Variants in MYLK observed in about 807,000 individuals in gnomAD.
The protein encoded by MYLK is myosin light chain kinase.
MYLK carries 106 observed loss-of-function variants against 203.4 expected under a neutral mutation model. The ratio of observed to expected loss-of-function variants is 0.52; its 90% CI spans 0.45 to 0.61. The LOEUF is 0.61. MYLK is among the 20% of genes least tolerant of loss of function. The pLI is 0.00. For missense variants in MYLK, 2,072 were observed against 2,442.3 expected (o/e 0.85, Z 3.20); for synonymous variants, 867 against 959.5 (o/e 0.90, Z 1.78).
chr3:123,877,871 C>T (rs182865432), intron 1 of MYLK, among the ~76,000 whole-genome samples: 42 of 152,304 alleles, frequency 2.8e-4, no homozygotes, highest in Admixed American at 2.7e-3. Flanking sequence ...GAGTCATGTT[C>T]TGTGAATGGA....
At chr3:123,685,664 C>G (rs2060428418) in intron 19 of MYLK, among the ~76,000 whole-genome samples, 1 of 151,520 alleles carries the variant, frequency 6.6e-6, no homozygotes. Flanking sequence ...GAATTAATTC[C>G]TCTTGATAGC....
intron 1 of MYLK, among the ~76,000 whole-genome samples, chr3:123,883,400 C>T (rs1044543216): frequency 6.6e-6 from 1 of 151,958 alleles, no homozygotes; most frequent in Admixed American, 6.6e-5. Flanking sequence ...CTTCTGGCTA[C>T]GAAATAGAAA....
chr3:123,681,005 C>T (rs2060244507), intron 20 of MYLK: 1 of 128,242 alleles, frequency 7.8e-6, no homozygotes, highest in Admixed American at 7.9e-5. Context: ...ATAGCCCCCT[C>T]CTCCACCAAA....
Position 123,726,058 on chromosome 3 carries a change from C to T in MYLK, c.1537G>A (p.Ala513Thr). ...TTCAGGACACTGGAGAAGGAGGGGG[C>T]CACCTCCATCACGGCAAGCCCTGTG... ...QVERLAVMEV[A>T]PSFSSVLKDC... The change falls in exon 12 of 34, where the codon GCC (alanine) becomes ACC (threonine). Residue 513 changes from alanine to threonine, a missense_variant. Ala to Thr is a moderately conservative substitution (Grantham distance 58). Transcript: ENST00000360304. 2 of 1,614,158 alleles carry T rather than the reference C, an allele frequency of 1.2e-6. No homozygotes were observed. Among genetic ancestry groups the T allele is most frequent in the Non-Finnish European group, 1.7e-6 (2 of 1,180,014 alleles).
rs1560269132 is a variant in MYLK, at chr3:123,827,750, A to AG, written c.-4+3797_-4+3798insC. On this transcript the variant is annotated intron_variant, in intron 3 of 33. Coordinates refer to ENST00000360304, the MANE Select transcript of MYLK (RefSeq NM_053025.4). ...ATATATATATATATATATATATATA[A>AG]AGACTCTACCAAAAAACTTAGAACT... Among the ~76,000 whole-genome samples the AG allele has an allele frequency of 9.2e-4, 84 of 90,818 alleles. 2 individuals are homozygous for AG. The highest frequency in any genetic ancestry group is 3.1e-3 in the African/African-American group (77 of 25,054). 59.6% of individuals were successfully genotyped at this position (90,818 alleles called of 152,430 possible). A position where few individuals can be genotyped will look rare whatever the true frequency, so the allele number is the denominator to read the frequency against.
chr3:123,722,855 A>G (rs1383882836), intron 12 of MYLK, among the ~76,000 whole-genome samples: 1 of 152,168 alleles, frequency 6.6e-6, no homozygotes, highest in East Asian at 1.9e-4. Flanking sequence ...CTTCTATGCA[A>G]TTAGGTGTAT....
At chr3:123,810,223 G>A (rs2065509885) in intron 3 of MYLK, among the ~76,000 whole-genome samples, 1 of 152,202 alleles carries the variant, frequency 6.6e-6, no homozygotes, top group African/African-American at 2.4e-5. Context: ...GTGAAACGCG[G>A]ACATAGGCCC....
intron 20 of MYLK, among the ~76,000 whole-genome samples, chr3:123,677,298 A>G (rs1246477261): frequency 6.6e-6 from 1 of 152,150 alleles, no homozygotes; most frequent in Non-Finnish European, 1.5e-5. Context: ...TCCCCATCTG[A>G]CTGGCAAGGA....
At position 123,664,223 on chromosome 3, in the gene MYLK, G is replaced by A. The variant is rs561502268; in HGVS notation, c.3867C>T (p.Ser1289=). Reference sequence around the variant, plus strand: ...GGATGGTGAGCTTGCTGCCATTCTCGCTGTTCTCCACCTTCATGTGCTCGC... The same window carrying A: ...GGATGGTGAGCTTGCTGCCATTCTCACTGTTCTCCACCTTCATGTGCTCGC... ...QESEHMKVEN[S]ENGSKLTILA... The change falls in exon 23 of 34, where the codon AGC becomes AGT. Residue 1289 remains serine, a synonymous_variant. Transcript: ENST00000360304. 2.0e-5 allele frequency: 33 copies of A among 1,614,160 alleles called. No homozygotes were observed. The highest frequency in any genetic ancestry group is 2.6e-5 in the Non-Finnish European group (31 of 1,180,030).
intron 13 of MYLK, among the ~76,000 whole-genome samples, chr3:123,713,505 CCA>C (rs1372019257): frequency 6.6e-6 from 1 of 151,480 alleles, no homozygotes; most frequent in Non-Finnish European, 1.5e-5. Context: ...GTCAGCTGAC[CCA>C]CATCCTAGAT....
chr3:123,692,901 C>T, intron 18 of MYLK, 50 bp from the exon 19 acceptor site: 1 of 1,507,196 alleles, frequency 6.6e-7, no homozygotes. Context: ...TAGTACCTGC[C>T]CTGGCATCTG....
At chr3:123,825,232 C>T (rs75873809) in intron 3 of MYLK, among the ~76,000 whole-genome samples, 14,768 of 151,538 alleles carry the variant, frequency 0.097, 1,724 homozygotes, top group East Asian at 0.45. Flanking sequence ...GAGGAAACTA[C>T]AGGTTACTTG....
At chr3:123,854,723 G>A (rs2148674036) in intron 2 of MYLK, among the ~76,000 whole-genome samples, 1 of 152,228 alleles carries the variant, frequency 6.6e-6, no homozygotes, top group Admixed American at 6.5e-5. Flanking sequence ...CTTGTAATTT[G>A]CACGTGTACC....
At position 123,799,191 on chromosome 3, in the gene MYLK, C is replaced by G. The variant is rs1015074637; in HGVS notation, c.-3-5347G>C. Reference sequence around the variant, plus strand: ...TCCCCCTTACCCCCCTTACCCCTCACCCCTCACCCCCTGATGCTTGGGCCA... The same window carrying G: ...TCCCCCTTACCCCCCTTACCCCTCAGCCCTCACCCCCTGATGCTTGGGCCA... On this transcript the variant is annotated intron_variant, in intron 3 of 33. Transcript: ENST00000360304. 2.0e-5 allele frequency among the ~76,000 whole-genome samples: 3 copies of G among 148,798 alleles called. No homozygotes were observed. In the South Asian group the frequency reaches 6.6e-4, roughly 33 times the overall value.
chr3:123,734,595 T>G (rs2062610419), intron 9 of MYLK: 1 of 174,518 alleles, frequency 5.7e-6, no homozygotes, highest in South Asian at 1.8e-4. Context: ...AATCAAATTA[T>G]GTCATTTCAA....
intron 8 of MYLK, chr3:123,737,162 T>A: frequency 1.8e-6 from 1 of 560,794 alleles, no homozygotes; most frequent in Non-Finnish European, 3.1e-6. Flanking sequence ...GAGGTTGCAG[T>A]GAGCTGAGGT....
At chr3:123,785,611 T>C (rs984346971) in intron 4 of MYLK, among the ~76,000 whole-genome samples, 1 of 152,388 alleles carries the variant, frequency 6.6e-6, no homozygotes, top group Non-Finnish European at 1.5e-5. Context: ...TTATTGTGAA[T>C]GGGACAACTA....
At chr3:123,694,793 C>T (rs924123087) in intron 18 of MYLK, among the ~76,000 whole-genome samples, 1 of 152,266 alleles carries the variant, frequency 6.6e-6, no homozygotes, top group Middle Eastern at 3.2e-3. Context: ...GACCCCTGGC[C>T]ATGTGCATGG....
At chr3:123,756,269 T>G (rs2063355994) in intron 4 of MYLK, among the ~76,000 whole-genome samples, 1 of 152,200 alleles carries the variant, frequency 6.6e-6, no homozygotes, top group Non-Finnish European at 1.5e-5. Flanking sequence ...TAAAGCAATA[T>G]CTGCTCCCCA....
Sources: allele counts gnomAD v4.1 joint callset (sites outside exome capture counted in the v4.1 genomes callset), GRCh38; gene constraint gnomAD v4.1.1; transcripts MANE v1.5; gene names NCBI Gene and HGNC (gene_info 2026-07-23, HGNC 2026-07-21).